FIGN: variants seen among roughly 807,000 people sequenced by gnomAD.
FIGN encodes the protein fidgetin.
In FIGN, 11 loss-of-function variants were observed where a neutral mutation model predicts 51.3. The ratio of observed to expected loss-of-function variants is 0.21; its 90% CI spans 0.13 to 0.35. The LOEUF (loss-of-function observed/expected upper bound fraction) is 0.35, where lower values mean the gene tolerates loss of function less well. Ranked by LOEUF, FIGN falls within the 10% of genes least tolerant of loss-of-function variation. The pLI, the probability that FIGN is intolerant of heterozygous loss-of-function variation, is 1.00. For missense variants in FIGN, 857 were observed against 943.6 expected, an observed-to-expected ratio of 0.91 and a Z score of 1.20; for synonymous variants, 407 against 363.2, an observed-to-expected ratio of 1.12 and a Z score of -1.37.
rs1466725575 is a variant in FIGN, at chr2:163,604,817, A to G, written c.*4735T>C. The G allele has an allele frequency of 6.6e-6, 1 of 150,690 alleles. No homozygotes were observed. The highest frequency in any genetic ancestry group is 2.0e-4 in the East Asian group (1 of 5,034). The allele number at this position is 150,690 out of a possible 1,614,324, so 9.3% of individuals were successfully genotyped here. On this transcript the variant is annotated 3_prime_UTR_variant, in exon 3 of 3. Transcript: ENST00000333129. ...GAGTTAGAGACAGAGAGAGAGAGAG[A>G]GAGAGAGAAGAGAGAGGAAGAGGAG...
intron 2 of FIGN, among the ~76,000 whole-genome samples, chr2:163,638,072 G>A (rs1683253086): frequency 6.6e-6 from 1 of 151,942 alleles, no homozygotes; most frequent in South Asian, 2.1e-4. Flanking sequence ...GCTCCCTGAA[G>A]GGAAGGAAAA....
At chr2:163,712,404 C>T (rs879797836) in intron 2 of FIGN, among the ~76,000 whole-genome samples, 2 of 152,124 alleles carry the variant, frequency 1.3e-5, no homozygotes, top group Non-Finnish European at 2.9e-5. Flanking sequence ...GAAACACCAG[C>T]AAAACCCTGA....
At chr2:163,686,460 GA>G (rs1297275069) in intron 2 of FIGN, among the ~76,000 whole-genome samples, 1 of 152,140 alleles carries the variant, frequency 6.6e-6, no homozygotes, top group Non-Finnish European at 1.5e-5. Flanking sequence ...GTGGTACTTT[GA>G]TGAGCAGTGC....
At chr2:163,692,649 TAA>T (rs1181492735) in intron 2 of FIGN, among the ~76,000 whole-genome samples, 2 of 152,206 alleles carry the variant, frequency 1.3e-5, no homozygotes, top group African/African-American at 4.8e-5. Context: ...AGACTTCTAT[TAA>T]TGTTAAGTCC....
intron 2 of FIGN, among the ~76,000 whole-genome samples, chr2:163,647,268 T>C (rs1683397197): frequency 6.6e-6 from 1 of 152,188 alleles, no homozygotes; most frequent in African/African-American, 2.4e-5. Flanking sequence ...ATTTTGATGG[T>C]TCTGAAAAAT....
intron 2 of FIGN, among the ~76,000 whole-genome samples, chr2:163,682,735 C>G (rs1684085604): frequency 6.6e-6 from 1 of 152,138 alleles, no homozygotes; most frequent in Non-Finnish European, 1.5e-5. Flanking sequence ...AGCATTCATT[C>G]AAGTGTTCAT....
At chr2:163,613,881 TAA>T (rs1682822230) in intron 2 of FIGN, among the ~76,000 whole-genome samples, 1 of 152,184 alleles carries the variant, frequency 6.6e-6, no homozygotes, top group Non-Finnish European at 1.5e-5. Flanking sequence ...TCAGTTAAAT[TAA>T]GTCTGAATGC....
At chr2:163,662,972 G>T (rs573743632) in intron 2 of FIGN, among the ~76,000 whole-genome samples, 1 of 152,324 alleles carries the variant, frequency 6.6e-6, no homozygotes, top group South Asian at 2.1e-4. Flanking sequence ...CCAGCCATGT[G>T]GAACTGTAAG....
chr2:163,718,520 T>C (rs1362537291), intron 2 of FIGN, among the ~76,000 whole-genome samples: 3 of 152,166 alleles, frequency 2.0e-5, no homozygotes, highest in African/African-American at 4.8e-5. Context: ...AAGGGTGCCA[T>C]CTAAGTAGTA....
Position 163,735,060 on chromosome 2 carries a change from G to C in FIGN, c.-133C>G. 1 of 783,138 alleles carries C rather than the reference G, an allele frequency of 1.3e-6. No homozygotes were observed. The highest frequency in any genetic ancestry group is 2.0e-6 in the Non-Finnish European group (1 of 489,124). The allele number at this position is 783,138 out of a possible 1,614,324, so 48.5% of individuals were successfully genotyped here. A position where few individuals can be genotyped will look rare whatever the true frequency, so the allele number is the denominator to read the frequency against. On this transcript the variant is annotated 5_prime_UTR_variant, in exon 2 of 3. Transcript: ENST00000333129. ...CTTGAAACGTGGGCCCTTTCGTCAG[G>C]TATTCATTTAACCTACATGCATATA... is the stretch of plus-strand genomic sequence containing the variant.
chr2:163,695,118 T>A (rs1046819140), intron 2 of FIGN, among the ~76,000 whole-genome samples: 4 of 152,184 alleles, frequency 2.6e-5, no homozygotes, highest in African/African-American at 9.6e-5. Flanking sequence ...ATGTCCAAAC[T>A]TTATCTTTCT....
At chr2:163,679,148 CA>C (rs1257255986) in intron 2 of FIGN, among the ~76,000 whole-genome samples, 1 of 152,054 alleles carries the variant, frequency 6.6e-6, no homozygotes, top group Non-Finnish European at 1.5e-5. Flanking sequence ...GTTGGATCTA[CA>C]AATCAGTTAC....
chr2:163,682,003 C>G (rs1382822723), intron 2 of FIGN, among the ~76,000 whole-genome samples: 1 of 152,194 alleles, frequency 6.6e-6, no homozygotes, highest in Non-Finnish European at 1.5e-5. Flanking sequence ...CATGAAGTTG[C>G]AGTTTGGCCT....
chr2:163,711,388 C>T (rs893324922), intron 2 of FIGN, among the ~76,000 whole-genome samples: 2 of 151,998 alleles, frequency 1.3e-5, no homozygotes, highest in African/African-American at 4.8e-5. Flanking sequence ...TTAATACCTC[C>T]CTACGTATTA....
intron 2 of FIGN, among the ~76,000 whole-genome samples, chr2:163,676,483 A>ATAT (rs1553499928): frequency 1.4e-4 from 7 of 48,472 alleles, no homozygotes; most frequent in South Asian, 1.7e-3. Context: ...ATATATATAT[A>ATAT]ACTAGAGTCT....
At position 163,608,299 on chromosome 2, in the gene FIGN, G is replaced by C. The variant is rs1691155218; in HGVS notation, c.*1253C>G. ...TAAGTTGGTTTGTTGGTTGGTTTTT[G>C]TTTTTATTTATTTGTGTATTTGTTT... is the stretch of plus-strand genomic sequence containing the variant. On this transcript the variant is annotated 3_prime_UTR_variant, in exon 3 of 3. Coordinates refer to ENST00000333129, the MANE Select transcript of FIGN (RefSeq NM_018086.4). 1 of 152,540 alleles carries C rather than the reference G, an allele frequency of 6.6e-6. No individual in the cohort carries two copies. Among genetic ancestry groups the C allele is most frequent in the African/African-American group, 2.4e-5 (1 of 41,416 alleles). The allele number at this position is 152,540 out of a possible 1,614,324, so 9.4% of individuals were successfully genotyped here.
intron 2 of FIGN, among the ~76,000 whole-genome samples, chr2:163,636,956 G>A (rs1683234524): frequency 6.6e-6 from 1 of 152,134 alleles, no homozygotes; most frequent in South Asian, 2.1e-4. Context: ...GCAGGCGCCT[G>A]TAGTCCCAGC....
Position 163,651,654 on chromosome 2 carries a change from A to T in FIGN, c.26-39848T>A, listed in dbSNP as rs567704921. Among the ~76,000 whole-genome samples, 6 of 152,326 alleles carry T rather than the reference A, an allele frequency of 3.9e-5. No homozygotes were observed. The South Asian group carries it at 1.2e-3, about 32-fold the overall frequency. ...CTTTAAAAAATGAGAGCTAACCTTT[A>T]TTAAAGCAAATTCATATTGTTGATA... is the stretch of plus-strand genomic sequence containing the variant. On this transcript the variant is annotated intron_variant, in intron 2 of 2. Transcript: ENST00000333129.
chr2:163,718,620 G>A (rs904490680), intron 2 of FIGN, among the ~76,000 whole-genome samples: 2 of 152,060 alleles, frequency 1.3e-5, no homozygotes, highest in Non-Finnish European at 2.9e-5. Flanking sequence ...TTTATTGGAA[G>A]TCTCCCTGAT....
Sources: allele counts gnomAD v4.1 joint callset (sites outside exome capture counted in the v4.1 genomes callset), GRCh38; gene constraint gnomAD v4.1.1; transcripts MANE v1.5; gene names NCBI Gene and HGNC (gene_info 2026-07-23, HGNC 2026-07-21).